The following PCDH11X variants were observed in gnomAD, a reference collection of about 807,000 sequenced individuals.
PCDH11X encodes the protein protocadherin-11 X-linked.
In PCDH11X, 18 loss-of-function variants were observed where a neutral mutation model predicts 53.3. The ratio of observed to expected loss-of-function variants is 0.34; its 90% CI spans 0.23 to 0.50. The LOEUF is 0.50. Ranked by LOEUF, PCDH11X falls within the 20% of genes least tolerant of loss-of-function variation. The pLI is 0.98. For synonymous variants in PCDH11X, 279 were observed against 393.3 expected (o/e 0.71, Z 3.44); for missense variants, 570 against 1,032.4 (o/e 0.55, Z 6.14).
chrX:92,442,244 AC>A (rs2072531879), intron 9 of PCDH11X, among the ~76,000 whole-genome samples: 1 of 109,356 alleles, frequency 9.1e-6, no homozygotes, highest in Non-Finnish European at 1.9e-5. Flanking sequence ...TTGAGTTAAA[AC>A]TTTGAGGGAC....
At chrX:91,946,188 A>G (rs966110455) in intron 6 of PCDH11X, among the ~76,000 whole-genome samples, 2 of 109,198 alleles carry the variant, frequency 1.8e-5, no homozygotes, top group African/African-American at 6.6e-5. Flanking sequence ...CCCATTTTAC[A>G]GATAAGGAAG....
At chrX:92,025,347 A>G (rs1357872537) in intron 6 of PCDH11X, among the ~76,000 whole-genome samples, 1 of 107,998 alleles carries the variant, frequency 9.3e-6, no homozygotes, top group Non-Finnish European at 1.9e-5. Flanking sequence ...GAACTCACAC[A>G]TATTTACAAG....
chrX:91,876,174 A>G (rs1314364124), intron 5 of PCDH11X, among the ~76,000 whole-genome samples: 1 of 111,071 alleles, frequency 9.0e-6, no homozygotes, highest in Non-Finnish European at 1.9e-5. Flanking sequence ...GAGGACGCAA[A>G]GGCATAAGAA....
chrX:91,892,448 C>T (rs1459280081), intron 6 of PCDH11X, among the ~76,000 whole-genome samples: 2 of 109,968 alleles, frequency 1.8e-5, no homozygotes, highest in Non-Finnish European at 3.8e-5. Flanking sequence ...TTTCAAGGGA[C>T]TTTGCAATCT....
At chrX:91,942,541 A>G (rs1389468478) in intron 6 of PCDH11X, among the ~76,000 whole-genome samples, 3 of 110,896 alleles carry the variant, frequency 2.7e-5, no homozygotes, top group Non-Finnish European at 5.7e-5. Context: ...TCCTATATCT[A>G]TTAAGGAAAT....
At chrX:92,049,301 G>T (rs1173634603) in intron 6 of PCDH11X, among the ~76,000 whole-genome samples, 1 of 111,512 alleles carries the variant, frequency 9.0e-6, no homozygotes, top group Non-Finnish European at 1.9e-5. Flanking sequence ...AAAACATTTT[G>T]TTTTTTACTC....
At chrX:92,083,368 TG>T (rs1894308301) in intron 6 of PCDH11X, among the ~76,000 whole-genome samples, 1 of 111,695 alleles carries the variant, frequency 9.0e-6, no homozygotes, top group Admixed American at 9.6e-5. Flanking sequence ...CCTTGAATGC[TG>T]CACCTAAAAC....
chrX:92,523,561 C>T (rs111412252), intron 10 of PCDH11X, among the ~76,000 whole-genome samples: 12,903 of 111,161 alleles, frequency 0.12, 591 homozygotes, highest in Admixed American at 0.23. Context: ...ATGTGACCAC[C>T]AAAATTCCCT....
chrX:92,110,918 T>C (rs1435670532), intron 6 of PCDH11X, among the ~76,000 whole-genome samples: 1 of 106,989 alleles, frequency 9.3e-6, no homozygotes, highest in Non-Finnish European at 1.9e-5. Flanking sequence ...CCTTTCTGGC[T>C]CTCTTTTTTT....
At chrX:92,517,413 G>A (rs112129860) in intron 10 of PCDH11X, among the ~76,000 whole-genome samples, 2 of 111,734 alleles carry the variant, frequency 1.8e-5, no homozygotes, top group African/African-American at 6.5e-5. Context: ...GCTGGCAATG[G>A]TTTAAACTTT....
intron 9 of PCDH11X, among the ~76,000 whole-genome samples, chrX:92,440,250 T>A (rs2072483534): frequency 9.1e-6 from 1 of 110,239 alleles, no homozygotes; most frequent in African/African-American, 3.3e-5. Context: ...GTACAAATGA[T>A]CTCATCACCC....
chrX:92,593,216 T>C (rs1925216532), intron 10 of PCDH11X, among the ~76,000 whole-genome samples: 1 of 111,034 alleles, frequency 9.0e-6, no homozygotes, highest in South Asian at 3.8e-4. Context: ...CTTTTAATAA[T>C]TGTTGATTTG....
At chrX:91,995,514 G>T (rs1362766356) in intron 6 of PCDH11X, among the ~76,000 whole-genome samples, 2 of 111,179 alleles carry the variant, frequency 1.8e-5, no homozygotes, top group African/African-American at 6.6e-5. Flanking sequence ...TTTATTAATG[G>T]ACTCCATTCT....
At chrX:91,855,508 G>A (rs747761439) in intron 5 of PCDH11X, among the ~76,000 whole-genome samples, 1 of 108,262 alleles carries the variant, frequency 9.2e-6, no homozygotes, top group South Asian at 3.8e-4. Flanking sequence ...ATACAAATCT[G>A]AGGATTTTTT....
At chrX:92,307,211 C>A (rs1472276950) in intron 8 of PCDH11X, among the ~76,000 whole-genome samples, 2 of 109,362 alleles carry the variant, frequency 1.8e-5, no homozygotes, top group Admixed American at 2.0e-4. Flanking sequence ...GAAAAGTTCT[C>A]AACAAACATT....
chrX:92,140,301 A>G (rs963476275), intron 6 of PCDH11X, among the ~76,000 whole-genome samples: 1 of 111,317 alleles, frequency 9.0e-6, no homozygotes, highest in Non-Finnish European at 1.9e-5. Flanking sequence ...ATCAGTATTG[A>G]TTTTTAGTTC....
intron 6 of PCDH11X, among the ~76,000 whole-genome samples, chrX:92,022,433 A>C (rs2062900847): frequency 9.2e-6 from 1 of 109,180 alleles, no homozygotes; most frequent in Non-Finnish European, 1.9e-5. Flanking sequence ...AAGACAAAGA[A>C]GGGCATTACA....
intron 6 of PCDH11X, among the ~76,000 whole-genome samples, chrX:92,199,392 G>A (rs1294038236): frequency 2.7e-5 from 3 of 111,813 alleles, no homozygotes; most frequent in Non-Finnish European, 3.8e-5. Flanking sequence ...CTCTTTTCTT[G>A]AAAGTTTGAC....
intron 8 of PCDH11X, among the ~76,000 whole-genome samples, chrX:92,306,639 A>T (rs1164788962): frequency 1.0e-5 from 1 of 99,203 alleles, no homozygotes; most frequent in African/African-American, 3.9e-5. Flanking sequence ...AATAATAATT[A>T]AAAAAAAAAA....
Sources: allele counts gnomAD v4.1 joint callset (sites outside exome capture counted in the v4.1 genomes callset), GRCh38; gene constraint gnomAD v4.1.1; transcripts MANE v1.5; gene names NCBI Gene and HGNC (gene_info 2026-07-23, HGNC 2026-07-21).